Variants in CCBE1 observed in about 807,000 individuals in gnomAD.
CCBE1 encodes the protein collagen and calcium-binding EGF domain-containing protein 1.
Under a neutral mutation model 50.0 loss-of-function variants are expected in CCBE1, and 37 were observed. The ratio of observed to expected loss-of-function variants is 0.74; its 90% CI spans 0.57 to 0.97. The LOEUF is 0.97. CCBE1 is among the 50% of genes least tolerant of loss of function. CCBE1 has a pLI of 0.00. For missense variants in CCBE1, 538 were observed against 523.8 expected (o/e 1.03, Z -0.26); for synonymous variants, 234 against 203.7 (o/e 1.15, Z -1.27).
chr18:59,674,626 A>T (rs1266805377), intron 2 of CCBE1, among the ~76,000 whole-genome samples: 1 of 152,234 alleles, frequency 6.6e-6, no homozygotes, highest in East Asian at 1.9e-4. Context: ...AATTTTAAAA[A>T]ATGTGAAAAA....
At chr18:59,634,680 A>G (rs1280152024) in intron 2 of CCBE1, among the ~76,000 whole-genome samples, 1 of 152,270 alleles carries the variant, frequency 6.6e-6, no homozygotes, top group Non-Finnish European at 1.5e-5. Flanking sequence ...TAAATTAGAA[A>G]TATCATTTAT....
At position 59,696,617 on chromosome 18, in the gene CCBE1, C is replaced by A; in HGVS notation, c.212+12G>T. 1 of 1,613,658 alleles carries A rather than the reference C, an allele frequency of 6.2e-7. No homozygotes were observed. The highest frequency in any genetic ancestry group is 8.5e-7 in the Non-Finnish European group (1 of 1,179,930). ...CGCAGTGGCGAACAGCCCGCAGAGC[C>A]CCCAGGCTTACCTGTAGCATGTGGT... On this transcript the variant is annotated intron_variant, in intron 2 of 10. Transcript: ENST00000439986.
intron 6 of CCBE1, among the ~76,000 whole-genome samples, 180 bp from the exon 7 acceptor site, chr18:59,448,283 G>A (rs950001237): frequency 6.6e-6 from 1 of 152,146 alleles, no homozygotes; most frequent in African/African-American, 2.4e-5. Flanking sequence ...AGGCATTCTA[G>A]GGCAAATAAC....
chr18:59,438,246 C>A (rs1349851475), intron 9 of CCBE1, 100 bp from the exon 10 acceptor site: 1 of 1,058,912 alleles, frequency 9.4e-7, no homozygotes. Context: ...CTGCACAAAA[C>A]AATAAACATT....
chr18:59,583,925 T>C (rs1321706023), intron 2 of CCBE1, among the ~76,000 whole-genome samples: 1 of 152,150 alleles, frequency 6.6e-6, no homozygotes, highest in Non-Finnish European at 1.5e-5. Flanking sequence ...GTTCAACCAT[T>C]GTGGAAGTCA....
At chr18:59,510,343 A>T (rs11152156) in intron 2 of CCBE1, among the ~76,000 whole-genome samples, 103,702 of 152,098 alleles carry the variant, frequency 0.68, 36,589 homozygotes, top group East Asian at 0.95. Context: ...GTTGTTATGG[A>T]AGCTCATTAA....
intron 2 of CCBE1, among the ~76,000 whole-genome samples, chr18:59,598,361 G>A (rs2053385408): frequency 6.6e-6 from 1 of 152,138 alleles, no homozygotes; most frequent in Non-Finnish European, 1.5e-5. Context: ...AAGCAGAATC[G>A]CACTGCCACA....
Position 59,435,742 on chromosome 18 carries a change from T to C in CCBE1, c.*166A>G, listed in dbSNP as rs549461420. On this transcript the variant is annotated 3_prime_UTR_variant, in exon 11 of 11. Coordinates refer to ENST00000439986, the MANE Select transcript of CCBE1 (RefSeq NM_133459.4). Reference sequence around the variant, plus strand: ...TGTCTGCAGGCCTAGGAGGGGACTCTGAAAATAGCATCGTATTTGGAAGAA... The same window carrying C: ...TGTCTGCAGGCCTAGGAGGGGACTCCGAAAATAGCATCGTATTTGGAAGAA... 5 of 735,316 alleles carry C rather than the reference T, an allele frequency of 6.8e-6. No homozygotes were observed. The South Asian group carries it at 7.9e-5, about 12-fold the overall frequency. 45.5% of individuals were successfully genotyped at this position (735,316 alleles called of 1,614,324 possible). A position where few individuals can be genotyped will look rare whatever the true frequency, so the allele number is the denominator to read the frequency against.
rs562566956 is a variant in CCBE1, at chr18:59,682,174, C to T, written c.212+14455G>A. Reference sequence around the variant, plus strand: ...GTCTAGAAATCGAGACCATCCTGGCCAACATGGTGAAACCCTGTCTCTACT... The same window carrying T: ...GTCTAGAAATCGAGACCATCCTGGCTAACATGGTGAAACCCTGTCTCTACT... On this transcript the variant is annotated intron_variant, in intron 2 of 10. Coordinates refer to ENST00000439986, the MANE Select transcript of CCBE1 (RefSeq NM_133459.4). Among the ~76,000 whole-genome samples the T allele has an allele frequency of 3.0e-4, 46 of 152,258 alleles. No homozygotes were observed. The South Asian group carries it at 3.1e-3, about 10-fold the overall frequency.
At chr18:59,557,567 C>A (rs1447315546) in intron 2 of CCBE1, among the ~76,000 whole-genome samples, 1 of 152,132 alleles carries the variant, frequency 6.6e-6, no homozygotes, top group Non-Finnish European at 1.5e-5. Flanking sequence ...TGATTGGTCC[C>A]CTCCTGCAAC....
At chr18:59,443,470 T>G (rs991783799) in intron 7 of CCBE1, among the ~76,000 whole-genome samples, 1 of 73,942 alleles carries the variant, frequency 1.4e-5, no homozygotes, top group African/African-American at 8.0e-5. Context: ...ATTTGCCAAC[T>G]TTTTTTTTTT....
intron 2 of CCBE1, among the ~76,000 whole-genome samples, chr18:59,667,823 A>G (rs895344569): frequency 3.3e-5 from 5 of 152,222 alleles, no homozygotes; most frequent in Non-Finnish European, 7.4e-5. Context: ...AGCACAAGAA[A>G]CGGTAATTTT....
intron 2 of CCBE1, among the ~76,000 whole-genome samples, chr18:59,590,288 T>C (rs1006165976): frequency 3.9e-5 from 6 of 152,118 alleles, no homozygotes; most frequent in Non-Finnish European, 8.8e-5. Context: ...AAGAAGCATA[T>C]AAAATATAAA....
At chr18:59,504,391 T>G (rs1913772710) in intron 2 of CCBE1, among the ~76,000 whole-genome samples, 1 of 152,060 alleles carries the variant, frequency 6.6e-6, no homozygotes, top group South Asian at 2.1e-4. Context: ...TTCCTTTTTT[T>G]TTTTTTTTTT....
chr18:59,586,406 A>G (rs1243000323), intron 2 of CCBE1, among the ~76,000 whole-genome samples: 1 of 152,234 alleles, frequency 6.6e-6, no homozygotes. Flanking sequence ...CATAATGGTG[A>G]GTGGCTGAAA....
intron 5 of CCBE1, among the ~76,000 whole-genome samples, chr18:59,461,815 C>T (rs1350799702): frequency 6.8e-6 from 1 of 146,942 alleles, no homozygotes; most frequent in Non-Finnish European, 1.5e-5. Context: ...TCACTGCAAC[C>T]TCAGCCTCCT....
intron 2 of CCBE1, among the ~76,000 whole-genome samples, chr18:59,575,609 C>T (rs2052983614): frequency 6.6e-6 from 1 of 152,170 alleles, no homozygotes; most frequent in Non-Finnish European, 1.5e-5. Flanking sequence ...GAATAAAGAC[C>T]AGTTGACCCT....
intron 2 of CCBE1, among the ~76,000 whole-genome samples, chr18:59,672,197 G>GT (rs1394604602): frequency 4.6e-5 from 7 of 152,134 alleles, no homozygotes; most frequent in Admixed American, 6.5e-5. Flanking sequence ...ACAGAAAGAG[G>GT]TCACATGAAG....
intron 2 of CCBE1, among the ~76,000 whole-genome samples, chr18:59,633,731 G>GT (rs565486478): frequency 0.035 from 4,908 of 140,214 alleles, 159 homozygotes; most frequent in African/African-American, 0.093. Context: ...TTTAGGGTTT[G>GT]TTTTTTTTTT....
Sources: gnomAD v4.1 joint callset for allele counts (sites outside exome capture counted in the v4.1 genomes callset) on GRCh38, gnomAD v4.1.1 for gene constraint, MANE v1.5 for transcripts, NCBI Gene and HGNC (gene_info 2026-07-23, HGNC 2026-07-21) for gene names.